KLHL3: variants seen among roughly 807,000 people sequenced by gnomAD.
KLHL3 encodes the protein kelch-like protein 3.
Under a neutral mutation model 70.5 loss-of-function variants are expected in KLHL3, and 19 were observed. The ratio of observed to expected loss-of-function variants is 0.27; its 90% CI spans 0.19 to 0.40. The LOEUF (loss-of-function observed/expected upper bound fraction) is 0.40. Ranked by LOEUF, KLHL3 falls within the 10% of genes least tolerant of loss-of-function variation. KLHL3 has a pLI of 1.00. For missense variants in KLHL3, 512 were observed against 771.1 expected, an observed-to-expected ratio of 0.66 and a Z score of 3.98; for synonymous variants, 258 against 290.3, an observed-to-expected ratio of 0.89 and a Z score of 1.13.
At chr5:137,690,700 T>G (rs1752299327) in intron 5 of KLHL3, among the ~76,000 whole-genome samples, 1 of 152,172 alleles carries the variant, frequency 6.6e-6, no homozygotes, top group South Asian at 2.1e-4. Context: ...GGTCAGGGAC[T>G]TAATCAGAGA....
chr5:137,646,853 T>C (rs961831494), intron 8 of KLHL3, among the ~76,000 whole-genome samples: 11 of 152,238 alleles, frequency 7.2e-5, no homozygotes, highest in African/African-American at 2.2e-4. Context: ...ATCAGTCACG[T>C]AGGAATCACA....
At chr5:137,649,062 C>T (rs1751132360) in intron 8 of KLHL3, among the ~76,000 whole-genome samples, 1 of 152,212 alleles carries the variant, frequency 6.6e-6, no homozygotes, top group Admixed American at 6.5e-5. Flanking sequence ...GCTTTTGTGA[C>T]ATTTGGAAGC....
intron 8 of KLHL3, among the ~76,000 whole-genome samples, chr5:137,650,714 TG>T (rs1452149578): frequency 2.6e-5 from 4 of 151,664 alleles, no homozygotes; most frequent in Admixed American, 2.0e-4. Context: ...CCCAGCTACT[TG>T]GGTGGCTGAG....
intron 1 of KLHL3, among the ~76,000 whole-genome samples, chr5:137,724,048 C>A (rs2149936918): frequency 6.6e-6 from 1 of 152,310 alleles, no homozygotes; most frequent in African/African-American, 2.4e-5. Context: ...AAAGCGATGT[C>A]TTTCCTTTAA....
At chr5:137,692,171 T>C in intron 5 of KLHL3, 114 bp downstream of exon 5, 3 of 910,398 alleles carry the variant, frequency 3.3e-6, no homozygotes, top group Non-Finnish European at 5.0e-6. Context: ...CCTAACTAAA[T>C]CATAGCTGCT....
chr5:137,706,403 G>A, intron 3 of KLHL3: 1 of 984,766 alleles, frequency 1.0e-6, no homozygotes, highest in Non-Finnish European at 1.2e-6. Context: ...CAAGGTTTAG[G>A]CAAAGCCAAT....
chr5:137,680,167 T>C (rs756114223), intron 5 of KLHL3, among the ~76,000 whole-genome samples: 1 of 152,374 alleles, frequency 6.6e-6, no homozygotes, highest in African/African-American at 2.4e-5. Context: ...GAACCCACTT[T>C]GCTCCCAGAA....
intron 14 of KLHL3, among the ~76,000 whole-genome samples, chr5:137,623,297 A>G (rs12518321): frequency 0.56 from 84,799 of 152,114 alleles, 24,506 homozygotes; most frequent in Middle Eastern, 0.65. Flanking sequence ...AAATGTTCTG[A>G]TTGAAGATGA....
At chr5:137,723,792 C>T (rs1753042139) in intron 1 of KLHL3, among the ~76,000 whole-genome samples, 1 of 152,198 alleles carries the variant, frequency 6.6e-6, no homozygotes, top group Non-Finnish European at 1.5e-5. Context: ...ATAGTATTGT[C>T]ATATTCCTGC....
rs966144019 is a variant in KLHL3, at chr5:137,682,731, G to A, written c.527-5077C>T. ...CGGACTGGGAGCCCCATGAGGTCAG[G>A]GATCAAGTCTGTGTTATTTGAAGCT... is the stretch of plus-strand genomic sequence containing the variant. On this transcript the variant is annotated intron_variant, in intron 5 of 14. Transcript: ENST00000309755. 6.6e-5 allele frequency among the ~76,000 whole-genome samples: 10 copies of A among 152,188 alleles called. No homozygotes were observed. In the East Asian group the frequency reaches 1.9e-3, roughly 29 times the overall value.
intron 2 of KLHL3, 88 bp downstream of exon 2, chr5:137,720,377 G>T: frequency 1.4e-6 from 2 of 1,458,116 alleles, no homozygotes; most frequent in South Asian, 1.2e-5. Context: ...TTCCCTAGGT[G>T]GTCATGTTCT....
Position 137,639,088 on chromosome 5 carries a change from G to A in KLHL3, c.1084C>T (p.Arg362Trp), listed in dbSNP as rs200892557. 37 of 1,614,046 alleles carry A rather than the reference G, an allele frequency of 2.3e-5. No individual in the cohort carries two copies. In the Admixed American group the frequency reaches 3.8e-4, roughly 17 times the overall value. ...ACGCCGTCATACACATCCACTGTCC[G>A]CACCCGCAGTGAGCCATTAAACCCT... ...VGGFNGSLRV[R>W]TVDVYDGVKD... is the part of the protein sequence containing the mutation. The change falls in exon 10 of 15, where the codon CGG becomes TGG. Residue 362 changes from arginine to tryptophan, a missense_variant. Physicochemically the swap from Arg to Trp is moderately radical, Grantham distance 101. Coordinates refer to ENST00000309755, the MANE Select transcript of KLHL3 (RefSeq NM_017415.3). The surrounding 1 kb of genome is among the most constrained non-coding windows in gnomAD (Gnocchi z 5.0).
intron 2 of KLHL3, 29 bp downstream of exon 2, chr5:137,720,434 TGC>T (rs999773764): frequency 3.0e-5 from 49 of 1,613,842 alleles, no homozygotes; most frequent in Non-Finnish European, 4.1e-5. Flanking sequence ...AAGTTCCTTC[TGC>T]AAGGGCACGG....
chr5:137,685,680 G>A (rs569007440), intron 5 of KLHL3, among the ~76,000 whole-genome samples: 1 of 152,282 alleles, frequency 6.6e-6, no homozygotes, highest in African/African-American at 2.4e-5. Context: ...ATACTGCTAA[G>A]AATGTTTTTT....
chr5:137,628,448 G>C lies in KLHL3; in HGVS notation c.1451-11C>G. 2 of 1,614,040 alleles carry C rather than the reference G, an allele frequency of 1.2e-6. No homozygotes were observed. Among genetic ancestry groups the C allele is most frequent in the African/African-American group, 1.3e-5 (1 of 75,042 alleles). On this transcript the variant is annotated splice_polypyrimidine_tract_variant and intron_variant, in intron 12 of 14. Coordinates refer to ENST00000309755, the MANE Select transcript of KLHL3 (RefSeq NM_017415.3). Reference sequence around the variant, plus strand: ...TAAGCACTCCAACCCCTGAAAGGCAGAGCACAGCATCCCAGCCTCATGCTG... The same window carrying C: ...TAAGCACTCCAACCCCTGAAAGGCACAGCACAGCATCCCAGCCTCATGCTG...
chr5:137,631,434 GA>G (rs60730562), intron 12 of KLHL3, among the ~76,000 whole-genome samples: 13,804 of 152,238 alleles, frequency 0.091, 1,416 homozygotes, highest in African/African-American at 0.26. Context: ...TTGAAGTGAG[GA>G]AAAGTGGGAG....
At chr5:137,664,436 C>G (rs2149899423) in intron 6 of KLHL3, among the ~76,000 whole-genome samples, 1 of 152,024 alleles carries the variant, frequency 6.6e-6, no homozygotes, top group South Asian at 2.1e-4. Context: ...AAAAAAAATG[C>G]CTGTAAAAGG....
chr5:137,692,151 C>T, intron 5 of KLHL3, 134 bp downstream of exon 5: 1 of 740,356 alleles, frequency 1.4e-6, no homozygotes. Flanking sequence ...ATTATCTTTC[C>T]ACCTGTATCC....
chr5:137,634,711 T>C (rs1320134294), intron 11 of KLHL3, among the ~76,000 whole-genome samples: 3 of 152,146 alleles, frequency 2.0e-5, no homozygotes, highest in Non-Finnish European at 4.4e-5. Flanking sequence ...CTTTGTACAT[T>C]GTGGGCCAGG....
Sources: gnomAD v4.1 joint callset for allele counts (sites outside exome capture counted in the v4.1 genomes callset) on GRCh38, gnomAD v4.1.1 for gene constraint, Gnocchi (gnomAD v3.1) non-coding constraint, MANE v1.5 for transcripts, NCBI Gene and HGNC (gene_info 2026-07-23, HGNC 2026-07-21) for gene names.